Variants in GFRA1 observed in about 807,000 individuals in gnomAD.
GFRA1 encodes GDNF family receptor alpha-1.
Under a neutral mutation model 51.6 loss-of-function variants are expected in GFRA1, and 16 were observed. That is an observed-to-expected ratio of 0.31 (90% CI 0.21 to 0.47). The LOEUF (loss-of-function observed/expected upper bound fraction) is 0.47. Ranked by LOEUF, GFRA1 falls within the 20% of genes least tolerant of loss-of-function variation. The probability of loss-of-function intolerance (pLI) is 1.00; values close to 1 mark genes in which losing one functional copy is unlikely to be tolerated. For missense variants in GFRA1, 530 were observed against 594.3 expected (o/e 0.89, Z 1.13); for synonymous variants, 270 against 241.3 (o/e 1.12, Z -1.10).
chr10:116,229,057 C>T (rs1966516269), intron 4 of GFRA1, among the ~76,000 whole-genome samples: 1 of 150,116 alleles, frequency 6.7e-6, no homozygotes, highest in Non-Finnish European at 1.5e-5. Context: ...GACAGATTCT[C>T]CACCAGGGCC....
chr10:116,214,615 G>A (rs1042352850), intron 4 of GFRA1, among the ~76,000 whole-genome samples: 3 of 152,326 alleles, frequency 2.0e-5, no homozygotes, highest in Non-Finnish European at 4.4e-5. Flanking sequence ...GTACAAATTA[G>A]AGATTTATCA....
chr10:116,070,433 T>G (rs1053256168), intron 9 of GFRA1, among the ~76,000 whole-genome samples: 9 of 152,172 alleles, frequency 5.9e-5, no homozygotes, highest in African/African-American at 2.2e-4. Context: ...GAAGCAGAAG[T>G]CCAGAACTCA....
intron 4 of GFRA1, among the ~76,000 whole-genome samples, chr10:116,264,442 C>G (rs549040313): frequency 5.3e-5 from 8 of 152,264 alleles, no homozygotes; most frequent in African/African-American, 1.9e-4. Flanking sequence ...GAGTTGACAC[C>G]TGGCATAACA....
chr10:116,120,411 T>C (rs921893294), intron 6 of GFRA1, among the ~76,000 whole-genome samples: 7 of 151,916 alleles, frequency 4.6e-5, no homozygotes, highest in African/African-American at 1.5e-4. Context: ...TCTCTAAAAA[T>C]AATTAATTAA....
At chr10:116,199,424 C>A (rs1964155696) in intron 5 of GFRA1, among the ~76,000 whole-genome samples, 1 of 152,180 alleles carries the variant, frequency 6.6e-6, no homozygotes, top group Non-Finnish European at 1.5e-5. Flanking sequence ...TGGGTGGGAT[C>A]TCTTTTTCCT....
chr10:116,095,503 GT>G (rs1956533354), intron 7 of GFRA1, among the ~76,000 whole-genome samples: 1 of 152,188 alleles, frequency 6.6e-6, no homozygotes, highest in African/African-American at 2.4e-5. Flanking sequence ...GTGAATGCAA[GT>G]TTGGAGTATT....
intron 4 of GFRA1, among the ~76,000 whole-genome samples, chr10:116,244,555 A>G (rs948577096): frequency 6.7e-6 from 1 of 150,062 alleles, no homozygotes; most frequent in Non-Finnish European, 1.5e-5. Flanking sequence ...GAATTCTAAA[A>G]CTAAAATATA....
intron 4 of GFRA1, among the ~76,000 whole-genome samples, chr10:116,218,291 A>G (rs528679365): frequency 1.6e-3 from 249 of 152,258 alleles, no homozygotes; most frequent in African/African-American, 5.6e-3. Flanking sequence ...GGCTTTGATC[A>G]GCATCTCAAG....
At chr10:116,125,198 A>C (rs769965475) in intron 6 of GFRA1, 23 bp downstream of exon 6, 50 of 1,592,276 alleles carry the variant, frequency 3.1e-5, no homozygotes, top group Non-Finnish European at 4.1e-5. Flanking sequence ...CTCATTAATC[A>C]CCAGCTGCCA....
intron 5 of GFRA1, 108 bp from the exon 6 acceptor site, chr10:116,125,665 T>A: frequency 1.2e-6 from 1 of 851,818 alleles, no homozygotes; most frequent in Non-Finnish European, 1.9e-6. Context: ...CCAGCGGCTC[T>A]AGAACTTAAT....
At chr10:116,173,764 GT>G (rs942984378) in intron 5 of GFRA1, among the ~76,000 whole-genome samples, 73 of 152,294 alleles carry the variant, frequency 4.8e-4, no homozygotes, top group African/African-American at 1.5e-3. Flanking sequence ...GGCCGAACAG[GT>G]TTTTTTTCCC....
At chr10:116,090,919 G>A (rs1956307226) in intron 8 of GFRA1, among the ~76,000 whole-genome samples, 1 of 152,086 alleles carries the variant, frequency 6.6e-6, no homozygotes, top group Non-Finnish European at 1.5e-5. Context: ...TCAGTAAATT[G>A]GAAGCTTGTT....
intron 8 of GFRA1, among the ~76,000 whole-genome samples, chr10:116,093,045 CTG>C (rs1022551805): frequency 1.3e-5 from 2 of 152,180 alleles, no homozygotes; most frequent in African/African-American, 2.4e-5. Context: ...CTTAAGGACA[CTG>C]CAGTAAGAAC....
chr10:116,116,842 G>C (rs1957429887), intron 6 of GFRA1, among the ~76,000 whole-genome samples: 1 of 152,100 alleles, frequency 6.6e-6, no homozygotes, highest in Non-Finnish European at 1.5e-5. Flanking sequence ...AGGCTCTTAT[G>C]GACATGATGG....
chr10:116,143,657 TC>T (rs1958670982), intron 5 of GFRA1, among the ~76,000 whole-genome samples: 2 of 5,380 alleles, frequency 3.7e-4, no homozygotes, highest in Non-Finnish European at 6.4e-4. Context: ...TTTCATTCAT[TC>T]TCTCTCTCTC....
At chr10:116,112,578 G>C (rs564921599) in intron 6 of GFRA1, among the ~76,000 whole-genome samples, 2 of 152,240 alleles carry the variant, frequency 1.3e-5, no homozygotes, top group South Asian at 2.1e-4. Flanking sequence ...GGACACAAAG[G>C]GTTTTTACAC....
chr10:116,151,485 T>C (rs1959062877), intron 5 of GFRA1, among the ~76,000 whole-genome samples: 1 of 152,086 alleles, frequency 6.6e-6, no homozygotes, highest in Non-Finnish European at 1.5e-5. Context: ...TAGCCAATGA[T>C]CATTAACTAG....
intron 4 of GFRA1, among the ~76,000 whole-genome samples, 165 bp from the exon 5 acceptor site, chr10:116,211,810 A>G (rs540065579): frequency 6.6e-6 from 1 of 152,220 alleles, no homozygotes; most frequent in African/African-American, 2.4e-5. Flanking sequence ...TAAGAGCTCA[A>G]GCTCTGGAAT....
chr10:116,136,854 G>T (rs982653187), intron 5 of GFRA1, among the ~76,000 whole-genome samples: 2 of 152,154 alleles, frequency 1.3e-5, no homozygotes, highest in African/African-American at 4.8e-5. Context: ...AATAAAGGAG[G>T]CCATGATGTT....
Sources: allele counts gnomAD v4.1 joint callset (sites outside exome capture counted in the v4.1 genomes callset), GRCh38; gene constraint gnomAD v4.1.1; transcripts MANE v1.5; gene names NCBI Gene and HGNC (gene_info 2026-07-23, HGNC 2026-07-21).